The following MACROD2 variants were observed in gnomAD, a reference collection of about 807,000 sequenced individuals.
MACROD2 encodes ADP-ribose glycohydrolase MACROD2.
A neutral mutation model predicts 70.4 loss-of-function variants in MACROD2; 36 were observed. The observed-to-expected ratio is 0.51, with a 90% CI of 0.39 to 0.68. The LOEUF (loss-of-function observed/expected upper bound fraction) is 0.68, where lower values mean the gene tolerates loss of function less well. Among genes scored for constraint, MACROD2 ranks in the 30% least tolerant of loss-of-function variants. The probability of loss-of-function intolerance (pLI) is 0.00; values close to 1 mark genes in which losing one functional copy is unlikely to be tolerated. For synonymous variants in MACROD2, 172 were observed against 178.8 expected (o/e 0.96, Z 0.30); for missense variants, 496 against 538.4 (o/e 0.92, Z 0.78).
intron 3 of MACROD2, among the ~76,000 whole-genome samples, chr20:14,217,195 C>T (rs1325798087): frequency 1.3e-5 from 2 of 151,968 alleles, no homozygotes; most frequent in African/African-American, 4.8e-5. Flanking sequence ...ATGCCGATTT[C>T]ACTGAGAGTT....
At chr20:15,449,302 G>GCAA (rs386393399) in intron 7 of MACROD2, among the ~76,000 whole-genome samples, 1 of 151,890 alleles carries the variant, frequency 6.6e-6, no homozygotes, top group Non-Finnish European at 1.5e-5. Context: ...AAAAACAGCA[G>GCAA]CAACAACAAC....
chr20:14,846,097 T>C (rs1165330980), intron 5 of MACROD2, among the ~76,000 whole-genome samples: 2 of 152,182 alleles, frequency 1.3e-5, no homozygotes, highest in African/African-American at 4.8e-5. Flanking sequence ...AAAAAAGTAT[T>C]TCTGATGTAG....
intron 3 of MACROD2, among the ~76,000 whole-genome samples, chr20:14,095,351 C>G (rs2054208426): frequency 6.6e-6 from 1 of 152,012 alleles, no homozygotes; most frequent in Non-Finnish European, 1.5e-5. Flanking sequence ...ATGTAGGACT[C>G]AAGTGAGAGA....
intron 4 of MACROD2, among the ~76,000 whole-genome samples, chr20:14,643,884 G>A (rs372986268): frequency 1.2e-4 from 18 of 152,270 alleles, no homozygotes; most frequent in African/African-American, 4.1e-4. Flanking sequence ...ATAGTTGGAT[G>A]CCTGGGTGTG....
At chr20:15,025,559 C>T in intron 5 of MACROD2, among the ~76,000 whole-genome samples, 1 of 119,442 alleles carries the variant, frequency 8.4e-6, no homozygotes, top group East Asian at 2.3e-4. Context: ...GCTCCTGATA[C>T]ACCAGCCAAT....
chr20:15,291,862 T>C (rs2077543736), intron 6 of MACROD2, among the ~76,000 whole-genome samples: 1 of 152,198 alleles, frequency 6.6e-6, no homozygotes, highest in South Asian at 2.1e-4. Context: ...TGACTAGTTT[T>C]ATTACTACTA....
Position 14,508,457 on chromosome 20 carries a change from G to A in MACROD2, c.301+14949G>A, listed in dbSNP as rs374988454. 1.8e-4 allele frequency among the ~76,000 whole-genome samples: 28 copies of A among 152,196 alleles called. No homozygotes were observed. In the East Asian group the frequency reaches 3.5e-3, roughly 19 times the overall value. ...CAAAGAACACAGTCTTCATGCAAAC[G>A]GTTTAGAAAAATCACTGAACAATCA... On this transcript the variant is annotated intron_variant, in intron 4 of 17. Transcript: ENST00000684519.
intron 4 of MACROD2, among the ~76,000 whole-genome samples, chr20:14,677,125 A>G (rs2070871424): frequency 6.6e-6 from 1 of 152,118 alleles, no homozygotes; most frequent in Non-Finnish European, 1.5e-5. Flanking sequence ...TCATTTGCTT[A>G]TAAAATGATG....
intron 6 of MACROD2, among the ~76,000 whole-genome samples, chr20:15,296,756 C>G (rs900927385): frequency 6.6e-6 from 1 of 151,930 alleles, no homozygotes; most frequent in Non-Finnish European, 1.5e-5. Context: ...TCTCATTTGC[C>G]TTTTTCTATG....
intron 8 of MACROD2, among the ~76,000 whole-genome samples, chr20:15,841,221 T>C (rs762475298): frequency 1.3e-5 from 2 of 152,094 alleles, no homozygotes; most frequent in Non-Finnish European, 2.9e-5. Flanking sequence ...CAGAGAATGA[T>C]CAAGGGCCGT....
intron 3 of MACROD2, among the ~76,000 whole-genome samples, chr20:14,184,650 T>A (rs1415272744): frequency 1.3e-5 from 2 of 152,194 alleles, no homozygotes; most frequent in Non-Finnish European, 2.9e-5. Flanking sequence ...TATTGATTCT[T>A]CCTATCCATG....
intron 6 of MACROD2, among the ~76,000 whole-genome samples, chr20:15,288,891 A>G: frequency 6.6e-6 from 1 of 151,560 alleles, no homozygotes; most frequent in Middle Eastern, 3.4e-3. Flanking sequence ...CTATCTATCT[A>G]TCTATCTATC....
chr20:15,734,499 C>T (rs2050991855), intron 8 of MACROD2, among the ~76,000 whole-genome samples: 1 of 152,140 alleles, frequency 6.6e-6, no homozygotes, highest in African/African-American at 2.4e-5. Flanking sequence ...TAGAAGATTT[C>T]ATGTGATAAT....
chr20:15,931,584 A>AG (rs1378543674), intron 10 of MACROD2, among the ~76,000 whole-genome samples: 2 of 152,044 alleles, frequency 1.3e-5, no homozygotes, highest in African/African-American at 4.8e-5. Context: ...TAAAGGCTGC[A>AG]GTGAGCTATG....
At chr20:15,426,720 G>A (rs2046303175) in intron 6 of MACROD2, among the ~76,000 whole-genome samples, 1 of 152,030 alleles carries the variant, frequency 6.6e-6, no homozygotes, top group Non-Finnish European at 1.5e-5. Context: ...GGAGAATCTG[G>A]AGGCTCACAA....
intron 6 of MACROD2, among the ~76,000 whole-genome samples, chr20:15,237,347 A>G (rs903381401): frequency 1.8e-4 from 27 of 152,204 alleles, no homozygotes; most frequent in Non-Finnish European, 2.9e-5. Context: ...GTCCACATTT[A>G]GAGAATTTTT....
At chr20:15,209,423 C>T (rs1315268573) in intron 5 of MACROD2, among the ~76,000 whole-genome samples, 1 of 152,116 alleles carries the variant, frequency 6.6e-6, no homozygotes, top group East Asian at 1.9e-4. Context: ...ATTTTAAATA[C>T]TAGGTCTTGG....
intron 3 of MACROD2, among the ~76,000 whole-genome samples, chr20:14,265,012 G>GC (rs2082132488): frequency 6.6e-6 from 1 of 152,186 alleles, no homozygotes; most frequent in Non-Finnish European, 1.5e-5. Flanking sequence ...GTTTTGGAGG[G>GC]CCCCTGTGTT....
intron 5 of MACROD2, among the ~76,000 whole-genome samples, chr20:14,824,325 AG>A (rs1483818701): frequency 6.6e-6 from 1 of 152,076 alleles, no homozygotes; most frequent in Admixed American, 6.6e-5. Context: ...ACGGTAAGAA[AG>A]GTTATGAAGT....
Sources: allele counts gnomAD v4.1 joint callset (sites outside exome capture counted in the v4.1 genomes callset), GRCh38; gene constraint gnomAD v4.1.1; transcripts MANE v1.5; gene names NCBI Gene and HGNC (gene_info 2026-07-23, HGNC 2026-07-21).